AAK1: variants seen among roughly 807,000 people sequenced by gnomAD.
The protein encoded by AAK1 is AP2-associated protein kinase 1.
Under a neutral mutation model 116.0 loss-of-function variants are expected in AAK1, and 37 were observed. The observed-to-expected ratio is 0.32, with a 90% CI of 0.25 to 0.42. The LOEUF (loss-of-function observed/expected upper bound fraction) is 0.42. AAK1 is among the 10% of genes least tolerant of loss of function. The pLI is 1.00. For synonymous variants in AAK1, 458 were observed against 439.9 expected, an observed-to-expected ratio of 1.04 and a Z score of -0.51; for missense variants, 919 against 1,170.6, an observed-to-expected ratio of 0.79 and a Z score of 3.14.
intron 4 of AAK1, among the ~76,000 whole-genome samples, chr2:69,543,343 C>T (rs971666439): frequency 6.6e-6 from 1 of 152,140 alleles, no homozygotes; most frequent in African/African-American, 2.4e-5. Context: ...ATAGTTAATA[C>T]AGTAAGGGCT....
intron 9 of AAK1, among the ~76,000 whole-genome samples, chr2:69,526,799 G>A (rs909580666): frequency 2.0e-5 from 3 of 152,196 alleles, no homozygotes; most frequent in African/African-American, 7.2e-5. Context: ...TCTGCTGCAA[G>A]GAAGGAGAAC....
At chr2:69,614,889 C>T (rs1447243299) in intron 2 of AAK1, among the ~76,000 whole-genome samples, 1 of 152,064 alleles carries the variant, frequency 6.6e-6, no homozygotes, top group Non-Finnish European at 1.5e-5. Flanking sequence ...CCTGGAGCCA[C>T]GAGAAGCCAG....
intron 20 of AAK1, among the ~76,000 whole-genome samples, 171 bp from the exon 21 acceptor site, chr2:69,477,161 G>C (rs1415928079): frequency 1.3e-5 from 2 of 151,708 alleles, no homozygotes; most frequent in African/African-American, 4.8e-5. Context: ...AAAATACAGA[G>C]ATATAGAAAA....
In AAK1 at chr2:69,466,050, A is replaced by C; in HGVS notation, c.*9819T>G. 5 of 1,290,958 alleles carry C rather than the reference A, an allele frequency of 3.9e-6. No individual in the cohort carries two copies. The highest frequency in any genetic ancestry group is 5.1e-6 in the Non-Finnish European group (5 of 988,876). The allele number at this position is 1,290,958 out of a possible 1,614,324, so 80.0% of individuals were successfully genotyped here. On this transcript the variant is annotated 3_prime_UTR_variant, in exon 22 of 22. Coordinates refer to ENST00000409085, the MANE Select transcript of AAK1 (RefSeq NM_014911.5). Reference sequence around the variant, plus strand: ...AGGAGCCATACTGCTCTTGGAGACAAATGGGGCTTTGGAGAAAATGTCCAT... The same window carrying C: ...AGGAGCCATACTGCTCTTGGAGACACATGGGGCTTTGGAGAAAATGTCCAT...
At position 69,470,610 on chromosome 2, in the gene AAK1, T is replaced by C; in HGVS notation, c.*5259A>G. On this transcript the variant is annotated 3_prime_UTR_variant, in exon 22 of 22. Transcript: ENST00000409085. ...CACAAAATGTTTAATTAAGTTGGCC[T>C]GGGTATATTAGGGATTAAGTTAGAG... is the stretch of plus-strand genomic sequence containing the variant. 1 of 985,424 alleles carries C rather than the reference T, an allele frequency of 1.0e-6. No homozygotes were observed. Among genetic ancestry groups the C allele is most frequent in the Non-Finnish European group, 1.2e-6 (1 of 829,926 alleles). The allele number at this position is 985,424 out of a possible 1,614,324, so 61.0% of individuals were successfully genotyped here. A position where few individuals can be genotyped will look rare whatever the true frequency, so the allele number is the denominator to read the frequency against.
intron 2 of AAK1, among the ~76,000 whole-genome samples, chr2:69,562,962 G>A (rs1295903758): frequency 2.0e-5 from 3 of 152,032 alleles, no homozygotes; most frequent in Non-Finnish European, 4.4e-5. Flanking sequence ...TACTCGGGAG[G>A]CTGAAGCAGG....
At chr2:69,579,235 T>C (rs988764042) in intron 2 of AAK1, among the ~76,000 whole-genome samples, 6 of 152,206 alleles carry the variant, frequency 3.9e-5, no homozygotes, top group South Asian at 2.1e-4. Flanking sequence ...GGTTTTCAGA[T>C]GGCACCTTGT....
intron 2 of AAK1, among the ~76,000 whole-genome samples, chr2:69,589,888 T>C (rs1672956599): frequency 6.6e-6 from 1 of 151,998 alleles, no homozygotes. Flanking sequence ...AGCTCCTACT[T>C]TGTTTTAAGG....
rs138141898 is a variant in AAK1, at chr2:69,531,956, C to G, written c.656+85G>C. On this transcript the variant is annotated intron_variant, in intron 6 of 21. Transcript: ENST00000409085. ...CAACTGACTATCACCATTCTCTCCC[C>G]ACCCTGACCTTCTCATCCATAAGCT... The G allele has an allele frequency of 3.2e-6, 5 of 1,563,158 alleles. No homozygotes were observed. In the East Asian group the frequency reaches 9.1e-5, roughly 29 times the overall value.
rs1675250489 is a variant in AAK1 at position 69,632,811 on chromosome 2, A to G, written c.163+10067T>C. 2.6e-5 allele frequency among the ~76,000 whole-genome samples: 4 copies of G among 152,040 alleles called. No homozygotes were observed. The South Asian group carries it at 6.2e-4, about 24-fold the overall frequency. On this transcript the variant is annotated intron_variant, in intron 2 of 21. Coordinates refer to ENST00000409085, the MANE Select transcript of AAK1 (RefSeq NM_014911.5). Reference sequence around the variant, plus strand: ...CACTTTGGGAGGCCGAGGCGAGTGGATCACGAGGTCGGGAGATCGAGACCG... The same window carrying G: ...CACTTTGGGAGGCCGAGGCGAGTGGGTCACGAGGTCGGGAGATCGAGACCG...
Position 69,469,125 on chromosome 2 carries a change from G to A in AAK1, c.*6744C>T. 1 of 985,410 alleles carries A rather than the reference G, an allele frequency of 1.0e-6. No homozygotes were observed. Among genetic ancestry groups the A allele is most frequent in the Non-Finnish European group, 1.2e-6 (1 of 829,930 alleles). 61.0% of individuals were successfully genotyped at this position (985,410 alleles called of 1,614,324 possible). A position where few individuals can be genotyped will look rare whatever the true frequency, so the allele number is the denominator to read the frequency against. On this transcript the variant is annotated 3_prime_UTR_variant, in exon 22 of 22. Transcript: ENST00000409085. ...AAGTACATTTAAAGGGTTGTCCTGAGAAGGCCAAGTCCCTTAACCTTTCTA... is the reference window on the plus strand; with the variant it reads ...AAGTACATTTAAAGGGTTGTCCTGAAAAGGCCAAGTCCCTTAACCTTTCTA...
chr2:69,488,178 G>T lies in AAK1; in HGVS notation c.2366-5366C>A, dbSNP rs935675406. On this transcript the variant is annotated intron_variant, in intron 17 of 21. Transcript: ENST00000409085. The stretch of plus-strand genomic sequence containing the variant: ...TGTGTGTGTGTGTGTGTGTGTGTGT[G>T]TTTGAGGGAGGGGAACAAAAGTTGA... Among the ~76,000 whole-genome samples the T allele has an allele frequency of 7.0e-4, 106 of 150,882 alleles. 1 individual carries two copies. Among genetic ancestry groups the T allele is most frequent in the African/African-American group, 2.5e-3 (102 of 40,622 alleles).
intron 2 of AAK1, among the ~76,000 whole-genome samples, chr2:69,605,282 T>C (rs916445884): frequency 1.3e-5 from 2 of 152,152 alleles, no homozygotes; most frequent in Non-Finnish European, 2.9e-5. Flanking sequence ...TTCTCAAGGG[T>C]AGACACTGTG....
rs1674751375 is a variant in AAK1 at position 69,473,572 on chromosome 2, T to C, written c.*2297A>G. On this transcript the variant is annotated 3_prime_UTR_variant, in exon 22 of 22. Coordinates refer to ENST00000409085, the MANE Select transcript of AAK1 (RefSeq NM_014911.5). ...TGCTCATTTTCATTAACTGCCTCCA[T>C]TAAGCTTTACTGAGCCAAATGACTA... The C allele has an allele frequency of 1.0e-6, 1 of 985,348 alleles. No individual in the cohort carries two copies. Among genetic ancestry groups the C allele is most frequent in the Admixed American group, 6.1e-5 (1 of 16,268 alleles). The allele number at this position is 985,348 out of a possible 1,614,324, so 61.0% of individuals were successfully genotyped here. A position where few individuals can be genotyped will look rare whatever the true frequency, so the allele number is the denominator to read the frequency against.
chr2:69,581,797 C>A (rs115603764), intron 2 of AAK1, among the ~76,000 whole-genome samples: 3,831 of 151,956 alleles, frequency 0.025, 83 homozygotes, highest in Non-Finnish European at 0.038. Context: ...GGCAACACAG[C>A]GAGACCCAGT....
intron 19 of AAK1, among the ~76,000 whole-genome samples, chr2:69,479,832 C>A (rs565889317): frequency 6.6e-6 from 1 of 152,142 alleles, no homozygotes; most frequent in African/African-American, 2.4e-5. Flanking sequence ...CTTGGCTCAC[C>A]GCAACCTCTG....
At chr2:69,609,740 A>C in intron 2 of AAK1, among the ~76,000 whole-genome samples, 1 of 151,988 alleles carries the variant, frequency 6.6e-6, no homozygotes, top group East Asian at 1.9e-4. Context: ...CTGAATAACC[A>C]AAACAAATTA....
intron 10 of AAK1, 110 bp from the exon 11 acceptor site, chr2:69,521,098 G>C: frequency 8.4e-7 from 1 of 1,193,342 alleles, no homozygotes; most frequent in Non-Finnish European, 1.2e-6. Flanking sequence ...TTCCAGGTCT[G>C]TTTAATCGAT....
At chr2:69,500,690 T>C (rs1328978051) in intron 16 of AAK1, among the ~76,000 whole-genome samples, 3,976 of 113,828 alleles carry the variant, frequency 0.035, 181 homozygotes, top group East Asian at 0.13. Flanking sequence ...TATATATATA[T>C]ATATATATAC....
Sources: gnomAD v4.1 joint callset for allele counts (sites outside exome capture counted in the v4.1 genomes callset) on GRCh38, gnomAD v4.1.1 for gene constraint, MANE v1.5 for transcripts, NCBI Gene and HGNC (gene_info 2026-07-23, HGNC 2026-07-21) for gene names.